DTNA: variants seen among roughly 807,000 people sequenced by gnomAD.
DTNA encodes the protein dystrobrevin alpha.
A neutral mutation model predicts 100.7 loss-of-function variants in DTNA; 43 were observed. The ratio of observed to expected loss-of-function variants is 0.43; its 90% CI spans 0.33 to 0.55. The LOEUF (loss-of-function observed/expected upper bound fraction) is 0.55, where lower values mean the gene tolerates loss of function less well. Ranked by LOEUF, DTNA falls within the 20% of genes least tolerant of loss-of-function variation. The pLI is 0.04. For synonymous variants in DTNA, 349 were observed against 347.9 expected, an observed-to-expected ratio of 1.00 and a Z score of -0.04; for missense variants, 798 against 953.9, an observed-to-expected ratio of 0.84 and a Z score of 2.15.
chr18:34,870,005 G>C (rs933030106), intron 17 of DTNA, among the ~76,000 whole-genome samples: 1 of 152,164 alleles, frequency 6.6e-6, no homozygotes, highest in Non-Finnish European at 1.5e-5. Flanking sequence ...TGGGCAACAC[G>C]ACACAGCGAG....
At chr18:34,497,359 A>C (rs1287993149) in intron 1 of DTNA, among the ~76,000 whole-genome samples, 2 of 152,208 alleles carry the variant, frequency 1.3e-5, no homozygotes, top group African/African-American at 4.8e-5. Flanking sequence ...CATAGGAGTG[A>C]CTAAATTTAT....
intron 1 of DTNA, among the ~76,000 whole-genome samples, chr18:34,587,928 A>G (rs1301290802): frequency 1.3e-5 from 2 of 152,158 alleles, no homozygotes; most frequent in African/African-American, 2.4e-5. Flanking sequence ...ATGGCTGGCC[A>G]CTTTACATTC....
In DTNA at chr18:34,890,132, GA is replaced by G; in HGVS notation, c.*2399del. On this transcript the variant is annotated 3_prime_UTR_variant, in exon 23 of 23. Transcript: ENST00000444659. The stretch of plus-strand genomic sequence containing the variant: ...TTTCTACATCAAAATGTTCGTCTAA[GA>G]TTTGAACTGTTCTGCTGATAACCTT... The G allele has an allele frequency of 1.2e-5, 17 of 1,413,906 alleles. No individual in the cohort carries two copies. The highest frequency in any genetic ancestry group is 1.5e-5 in the Non-Finnish European group (16 of 1,089,422). The allele number at this position is 1,413,906 out of a possible 1,614,324, so 87.6% of individuals were successfully genotyped here.
intron 1 of DTNA, among the ~76,000 whole-genome samples, chr18:34,754,804 G>A (rs541608316): frequency 1.1e-4 from 16 of 152,292 alleles, no homozygotes; most frequent in Admixed American, 4.6e-4. Context: ...AGAATTGAAA[G>A]GCATTGTGTG....
intron 1 of DTNA, among the ~76,000 whole-genome samples, chr18:34,667,674 T>G (rs1240972): frequency 1 from 152,222 of 152,240 alleles, 76,102 homozygotes; most frequent in Middle Eastern, 1. Flanking sequence ...TGCATCTATT[T>G]AGATAATCAT....
At chr18:34,764,271 G>T (rs1389210061) in intron 2 of DTNA, among the ~76,000 whole-genome samples, 1 of 152,076 alleles carries the variant, frequency 6.6e-6, no homozygotes, top group East Asian at 1.9e-4. Flanking sequence ...TTGTTATCTC[G>T]CTTTATCCAT....
intron 1 of DTNA, among the ~76,000 whole-genome samples, chr18:34,618,449 A>G (rs533609093): frequency 2.6e-5 from 4 of 152,306 alleles, no homozygotes; most frequent in African/African-American, 9.6e-5. Context: ...AGTTCTCTAT[A>G]CACAGATCAA....
intron 4 of DTNA, among the ~76,000 whole-genome samples, chr18:34,797,150 C>A (rs1337691349): frequency 6.6e-6 from 1 of 152,192 alleles, no homozygotes; most frequent in African/African-American, 2.4e-5. Flanking sequence ...TCCCTGAAGA[C>A]ACAGTTCCTT....
chr18:34,542,990 C>T (rs1054408744), intron 1 of DTNA, among the ~76,000 whole-genome samples: 2 of 151,952 alleles, frequency 1.3e-5, no homozygotes, highest in South Asian at 2.1e-4. Context: ...AGTTAGAGAA[C>T]CTGAACTAGC....
At chr18:34,524,872 T>A (rs1014624903) in intron 1 of DTNA, among the ~76,000 whole-genome samples, 1 of 152,134 alleles carries the variant, frequency 6.6e-6, no homozygotes, top group African/African-American at 2.4e-5. Context: ...TAATAACTTG[T>A]GCAGAAAACC....
chr18:34,631,262 A>T (rs1271163945), intron 1 of DTNA, among the ~76,000 whole-genome samples: 2 of 152,178 alleles, frequency 1.3e-5, no homozygotes, highest in Non-Finnish European at 2.9e-5. Flanking sequence ...AGGATAATAA[A>T]AGTGCCAAAT....
At chr18:34,702,162 C>T (rs9304138) in intron 1 of DTNA, among the ~76,000 whole-genome samples, 124 of 152,250 alleles carry the variant, frequency 8.1e-4, no homozygotes, top group African/African-American at 2.7e-3. Context: ...CTCCTACTCA[C>T]GGACTCGGGT....
At chr18:34,680,966 A>G (rs2078023457) in intron 1 of DTNA, among the ~76,000 whole-genome samples, 1 of 151,694 alleles carries the variant, frequency 6.6e-6, no homozygotes, top group Non-Finnish European at 1.5e-5. Flanking sequence ...CCTACATGTT[A>G]CCTCCAGCTT....
chr18:34,741,525 G>A (rs1040483761), intron 1 of DTNA, among the ~76,000 whole-genome samples: 4 of 152,070 alleles, frequency 2.6e-5, no homozygotes, highest in African/African-American at 9.7e-5. Context: ...CAGGAAACTC[G>A]AGATTCAAAA....
intron 1 of DTNA, among the ~76,000 whole-genome samples, chr18:34,551,430 G>T (rs1208539974): frequency 6.6e-6 from 1 of 152,076 alleles, no homozygotes; most frequent in African/African-American, 2.4e-5. Context: ...CTCAGCTAAT[G>T]CACTCTCCAT....
intron 1 of DTNA, among the ~76,000 whole-genome samples, chr18:34,749,077 G>A (rs2092014712): frequency 6.6e-6 from 1 of 152,006 alleles, no homozygotes; most frequent in Admixed American, 6.6e-5. Flanking sequence ...TTTATTTGCA[G>A]CTGTTGTAAG....
chr18:34,533,371 CAAAA>C (rs574923147), intron 1 of DTNA, among the ~76,000 whole-genome samples: 2 of 85,186 alleles, frequency 2.3e-5, no homozygotes, highest in Non-Finnish European at 2.5e-5. Context: ...AACTCCATCT[CAAAA>C]AAAAAAAAAA....
chr18:34,553,693 T>TA (rs1475869569), intron 1 of DTNA, among the ~76,000 whole-genome samples: 1 of 150,510 alleles, frequency 6.6e-6, no homozygotes, highest in African/African-American at 2.4e-5. Flanking sequence ...TAGTTGTAGA[T>TA]ATGCGGCGTT....
intron 1 of DTNA, among the ~76,000 whole-genome samples, chr18:34,591,526 G>T (rs1338779348): frequency 6.6e-6 from 1 of 152,204 alleles, no homozygotes; most frequent in Non-Finnish European, 1.5e-5. Context: ...CCGCACGTCT[G>T]TCCACCCTTC....
Sources: gnomAD v4.1 joint callset for allele counts (sites outside exome capture counted in the v4.1 genomes callset) on GRCh38, gnomAD v4.1.1 for gene constraint, MANE v1.5 for transcripts, NCBI Gene and HGNC (gene_info 2026-07-23, HGNC 2026-07-21) for gene names.